The following CPPED1 variants were observed in gnomAD, a reference collection of about 807,000 sequenced individuals.
CPPED1 encodes the protein calcineurin like phosphoesterase domain containing 1.
CPPED1 carries 28 observed loss-of-function variants against 28.0 expected under a neutral mutation model. The observed-to-expected ratio is 1.00, with a 90% confidence interval of 0.74 to 1.37. CPPED1 has a LOEUF of 1.37. CPPED1 is among the 40% of genes most tolerant of loss of function. CPPED1 has a pLI of 0.00. For synonymous variants in CPPED1, 198 were observed against 180.2 expected, an observed-to-expected ratio of 1.10 and a Z score of -0.79; for missense variants, 504 against 416.5, an observed-to-expected ratio of 1.21 and a Z score of -1.83.
At chr16:12,695,685 G>C (rs2079986184) in intron 3 of CPPED1, among the ~76,000 whole-genome samples, 1 of 152,222 alleles carries the variant, frequency 6.6e-6, no homozygotes, top group African/African-American at 2.4e-5. Flanking sequence ...ATCACAGGCA[G>C]TCAACTGTTC....
At chr16:12,792,291 G>A (rs936698202) in intron 1 of CPPED1, among the ~76,000 whole-genome samples, 1 of 152,110 alleles carries the variant, frequency 6.6e-6, no homozygotes, top group Non-Finnish European at 1.5e-5. Flanking sequence ...TGGACCAGTG[G>A]CTGTAGTCCC....
Position 12,661,859 on chromosome 16 carries a change from A to T in CPPED1, c.*3027T>A, listed in dbSNP as rs973953031. 2 of 152,386 alleles carry T rather than the reference A, an allele frequency of 1.3e-5. No individual in the cohort carries two copies. The highest frequency in any genetic ancestry group is 2.9e-5 in the Non-Finnish European group (2 of 68,162). The allele number at this position is 152,386 out of a possible 1,614,324, so 9.4% of individuals were successfully genotyped here. A position where few individuals can be genotyped will look rare whatever the true frequency, so the allele number is the denominator to read the frequency against. ...ACCTGGTGCAATCAGGGTCTGGTCTAGGCTTTGCAGAGCTGGGAGGAAATC... is the reference window on the plus strand; with the variant it reads ...ACCTGGTGCAATCAGGGTCTGGTCTTGGCTTTGCAGAGCTGGGAGGAAATC... On this transcript the variant is annotated 3_prime_UTR_variant, in exon 4 of 4. Transcript: ENST00000381774.
chr16:12,758,378 G>A (rs1343280252), intron 2 of CPPED1, among the ~76,000 whole-genome samples: 1 of 152,156 alleles, frequency 6.6e-6, no homozygotes, highest in Non-Finnish European at 1.5e-5. Flanking sequence ...AAGCCTGTAT[G>A]TTTTGAGCGC....
At chr16:12,738,877 G>A (rs1286413652) in intron 2 of CPPED1, among the ~76,000 whole-genome samples, 1 of 152,176 alleles carries the variant, frequency 6.6e-6, no homozygotes, top group African/African-American at 2.4e-5. Context: ...CATGTTTAAT[G>A]TAGCAGCTAA....
At chr16:12,796,717 T>A (rs1014277902) in intron 1 of CPPED1, among the ~76,000 whole-genome samples, 15 of 152,062 alleles carry the variant, frequency 9.9e-5, no homozygotes, top group Admixed American at 9.8e-4. Context: ...GCAATTCCAA[T>A]CCTAGGTATC....
intron 3 of CPPED1, among the ~76,000 whole-genome samples, chr16:12,684,192 C>T (rs529269487): frequency 5.3e-5 from 8 of 152,256 alleles, no homozygotes; most frequent in South Asian, 2.1e-4. Context: ...AAATGCATCC[C>T]GGTAAACTGA....
At position 12,664,302 on chromosome 16, in the gene CPPED1, C is replaced by G; in HGVS notation, c.*584G>C. On this transcript the variant is annotated 3_prime_UTR_variant, in exon 4 of 4. Coordinates refer to ENST00000381774, the MANE Select transcript of CPPED1 (RefSeq NM_018340.3). This position sits in a 1 kb window ranked among gnomAD's most constrained non-coding sequence, Gnocchi z 4.2. Reference sequence around the variant, plus strand: ...GAGCTGTATCAACTGCATTCTGTTCCTATCATCAGAAGTCTCAGAATTGAA... The same window carrying G: ...GAGCTGTATCAACTGCATTCTGTTCGTATCATCAGAAGTCTCAGAATTGAA... The G allele has an allele frequency of 1.1e-6, 1 of 928,234 alleles. No homozygotes were observed. The highest frequency in any genetic ancestry group is 1.3e-6 in the Non-Finnish European group (1 of 777,524). 57.5% of individuals were successfully genotyped at this position (928,234 alleles called of 1,614,324 possible). A position where few individuals can be genotyped will look rare whatever the true frequency, so the allele number is the denominator to read the frequency against.
chr16:12,670,860 A>G lies in CPPED1; in HGVS notation c.716-5745T>C, dbSNP rs755625987. Reference sequence around the variant, plus strand: ...TTTTAATTATTTATTTATTTTTAATATATTTTTTGAGGTGGAGTCTCACTG... The same window carrying G: ...TTTTAATTATTTATTTATTTTTAATGTATTTTTTGAGGTGGAGTCTCACTG... On this transcript the variant is annotated intron_variant, in intron 3 of 3. Coordinates refer to ENST00000381774, the MANE Select transcript of CPPED1 (RefSeq NM_018340.3). This position sits in a 1 kb window ranked among gnomAD's most constrained non-coding sequence, Gnocchi z 4.2. Among the ~76,000 whole-genome samples, 1 of 152,078 alleles carries G rather than the reference A, an allele frequency of 6.6e-6. No individual in the cohort carries two copies. Among genetic ancestry groups the G allele is most frequent in the Non-Finnish European group, 1.5e-5 (1 of 68,014 alleles).
chr16:12,761,032 T>C (rs916492030), intron 2 of CPPED1: 7 of 152,294 alleles, frequency 4.6e-5, no homozygotes, highest in African/African-American at 1.7e-4. Flanking sequence ...CAGTTCCTGT[T>C]TCTCCAGTTT....
At chr16:12,770,822 G>A (rs2080465756) in intron 2 of CPPED1, among the ~76,000 whole-genome samples, 1 of 146,908 alleles carries the variant, frequency 6.8e-6, no homozygotes, top group African/African-American at 2.5e-5. Context: ...GCTATATCAA[G>A]GAAAGGAAAG....
chr16:12,744,932 A>G (rs553625428), intron 2 of CPPED1, among the ~76,000 whole-genome samples: 201 of 152,322 alleles, frequency 1.3e-3, no homozygotes, highest in Non-Finnish European at 1.8e-3. Context: ...GGTTGCAGTG[A>G]GCTGAGATCA....
At chr16:12,760,077 GA>G (rs1567299311) in intron 2 of CPPED1, among the ~76,000 whole-genome samples, 1 of 152,076 alleles carries the variant, frequency 6.6e-6, no homozygotes, top group South Asian at 2.1e-4. Flanking sequence ...AAAATATTCA[GA>G]AAAAAAATTC....
At chr16:12,671,226 G>A (rs2079851291) in intron 3 of CPPED1, among the ~76,000 whole-genome samples, 1 of 151,988 alleles carries the variant, frequency 6.6e-6, no homozygotes, top group Non-Finnish European at 1.5e-5. Context: ...TAATACATTT[G>A]TTACAATTAA....
At chr16:12,668,734 C>A (rs981210188) in intron 3 of CPPED1, among the ~76,000 whole-genome samples, 1 of 152,192 alleles carries the variant, frequency 6.6e-6, no homozygotes, top group African/African-American at 2.4e-5. Flanking sequence ...TGAAAAGATG[C>A]TCAACATCAT....
At chr16:12,772,036 T>C (rs767634064) in intron 2 of CPPED1, among the ~76,000 whole-genome samples, 7 of 152,198 alleles carry the variant, frequency 4.6e-5, no homozygotes, top group East Asian at 3.9e-4. Flanking sequence ...GGCAGGAGAA[T>C]TGCTTGAACC....
intron 3 of CPPED1, among the ~76,000 whole-genome samples, chr16:12,667,194 AG>A (rs2079830338): frequency 6.6e-6 from 1 of 152,238 alleles, no homozygotes; most frequent in Non-Finnish European, 1.5e-5. Context: ...CTGCCCATGG[AG>A]AAATCACGTG....
At position 12,682,930 on chromosome 16, in the gene CPPED1, G is replaced by C. The variant is rs1247501522; in HGVS notation, c.716-17815C>G. On this transcript the variant is annotated intron_variant, in intron 3 of 3. Transcript: ENST00000381774. The surrounding 1 kb of genome is among the most constrained non-coding windows in gnomAD (Gnocchi z 6.1). ...TCCATGCTCTATCTTAAACACAGCT[G>C]TCAGGACAAGAGGCTCATTAAAAAG... Among the ~76,000 whole-genome samples the C allele has an allele frequency of 1.3e-5, 2 of 152,228 alleles. No individual in the cohort carries two copies. The highest frequency in any genetic ancestry group is 2.9e-5 in the Non-Finnish European group (2 of 68,046).
chr16:12,753,380 T>C (rs1029455409), intron 2 of CPPED1: 7 of 152,186 alleles, frequency 4.6e-5, no homozygotes, highest in African/African-American at 1.4e-4. Context: ...TACGAAGCCA[T>C]GGCAGGGGTA....
At chr16:12,683,708 C>G (rs1002921907) in intron 3 of CPPED1, among the ~76,000 whole-genome samples, 1 of 152,144 alleles carries the variant, frequency 6.6e-6, no homozygotes, top group Non-Finnish European at 1.5e-5. Context: ...CACGCTTACC[C>G]CCATCTCCTC....
Sources: gnomAD v4.1 joint callset for allele counts (sites outside exome capture counted in the v4.1 genomes callset) on GRCh38, gnomAD v4.1.1 for gene constraint, Gnocchi (gnomAD v3.1) non-coding constraint, MANE v1.5 for transcripts, NCBI Gene and HGNC (gene_info 2026-07-23, HGNC 2026-07-21) for gene names.